NGEF: variants seen among roughly 807,000 people sequenced by gnomAD.
NGEF encodes the protein neuronal guanine nucleotide exchange factor.
Under a neutral mutation model 80.9 loss-of-function variants are expected in NGEF, and 31 were observed. The ratio of observed to expected loss-of-function variants is 0.38; its 90% CI spans 0.29 to 0.52. NGEF has a LOEUF of 0.52. Ranked by LOEUF, NGEF falls within the 20% of genes least tolerant of loss-of-function variation. NGEF has a pLI of 0.84. For synonymous variants in NGEF, 371 were observed against 370.2 expected (o/e 1.00, Z -0.03); for missense variants, 709 against 926.2 (o/e 0.77, Z 3.04).
chr2:232,942,802 A>G (rs953762859), intron 3 of NGEF, among the ~76,000 whole-genome samples: 4 of 151,674 alleles, frequency 2.6e-5, no homozygotes, highest in African/African-American at 9.7e-5. Context: ...CAAAAAAAAA[A>G]AAAAAGAAAA....
intron 3 of NGEF, among the ~76,000 whole-genome samples, chr2:232,934,257 A>G (rs1000430933): frequency 2.0e-5 from 3 of 151,534 alleles, no homozygotes; most frequent in Admixed American, 6.6e-5. Context: ...AAAAAAAAAA[A>G]AAAAGAAAGA....
At chr2:232,925,336 G>A (rs1167256790) in intron 4 of NGEF, among the ~76,000 whole-genome samples, 2 of 152,220 alleles carry the variant, frequency 1.3e-5, no homozygotes, top group Non-Finnish European at 2.9e-5. Flanking sequence ...AGAAGAGGGC[G>A]GGGGCAGCCC....
Position 232,892,495 on chromosome 2 carries a change from G to C in NGEF, c.1142+403C>G, listed in dbSNP as rs928876119. ...GGCGCTGCTGGAGGAGCCCCACCGA[G>C]GCTCCTTCCCATCCTGTCCCTGCCC... is the stretch of plus-strand genomic sequence containing the variant. On this transcript the variant is annotated intron_variant, in intron 7 of 14. Coordinates refer to ENST00000264051, the MANE Select transcript of NGEF (RefSeq NM_019850.3). This position sits in a 1 kb window ranked among gnomAD's most constrained non-coding sequence, Gnocchi z 4.0. Among the ~76,000 whole-genome samples, 6 of 152,178 alleles carry C rather than the reference G, an allele frequency of 3.9e-5. No homozygotes were observed. The highest frequency in any genetic ancestry group is 1.2e-4 in the African/African-American group (5 of 41,442).
intron 5 of NGEF, among the ~76,000 whole-genome samples, chr2:232,907,871 G>T (rs1373860267): frequency 6.6e-6 from 1 of 152,154 alleles, no homozygotes; most frequent in Non-Finnish European, 1.5e-5. Context: ...CACTTTGGGA[G>T]GCCGAGGCAG....
rs1466939949 is a variant in NGEF, at chr2:232,892,931, T to G, written c.1109A>C (p.Gln370Pro). The G allele has an allele frequency of 6.2e-7, 1 of 1,613,612 alleles. No homozygotes were observed. Among genetic ancestry groups the G allele is most frequent in the South Asian group, 1.1e-5 (1 of 91,070 alleles). ...CTTATAGGTCCGCTCCTGGTAGGTC[T>G]GATTGCTGACGTAGGTGATGTAGAC... The part of the protein sequence containing the change: ...FSVYITYVSN[Q>P]TYQERTYKQL... The change falls in exon 7 of 15, where the codon CAG (glutamine) becomes CCG (proline). Residue 370 changes from glutamine to proline, a missense_variant. By Grantham distance (76) the Gln-to-Pro change is moderately conservative. Transcript: ENST00000264051. This position sits in a 1 kb window ranked among gnomAD's most constrained non-coding sequence, Gnocchi z 4.0.
chr2:233,009,092 C>T (rs1001524001), intron 1 of NGEF, among the ~76,000 whole-genome samples: 2 of 152,132 alleles, frequency 1.3e-5, no homozygotes, highest in African/African-American at 2.4e-5. Flanking sequence ...CCACCACACC[C>T]GGCCCATCTT....
rs76908502 is a variant in NGEF, at chr2:232,951,433, C to T, written c.383+18781G>A. On this transcript the variant is annotated intron_variant, in intron 3 of 14. Transcript: ENST00000264051. ...CACGACAACCTTCTCTCTGCAGACA[C>T]GTGAATTTGCAACCTGGGAAGACCT... Among the ~76,000 whole-genome samples the T allele has an allele frequency of 6.6e-5, 10 of 152,324 alleles. No homozygotes were observed. In the South Asian group the frequency reaches 1.0e-3, roughly 16 times the overall value.
intron 1 of NGEF, among the ~76,000 whole-genome samples, chr2:232,988,942 G>A (rs1206112116): frequency 3.9e-5 from 6 of 152,168 alleles, no homozygotes; most frequent in Non-Finnish European, 5.9e-5. Context: ...AGCATAAAGA[G>A]AGAAATGTAT....
At chr2:232,932,754 C>G in intron 3 of NGEF, among the ~76,000 whole-genome samples, 1 of 152,014 alleles carries the variant, frequency 6.6e-6, no homozygotes, top group East Asian at 1.9e-4. Flanking sequence ...ACGGCTGACT[C>G]CTTGTATCCT....
In NGEF at chr2:232,927,057, G is replaced by A; in HGVS notation, c.513C>T (p.Leu171=). 6.2e-7 allele frequency: 1 copy of A among 1,614,042 alleles called. No homozygotes were observed. Among genetic ancestry groups the A allele is most frequent in the Non-Finnish European group, 8.5e-7 (1 of 1,180,006 alleles). Residue 171 remains leucine, a synonymous_variant, in exon 4 of 15, where the codon CTC becomes CTT. Transcript: ENST00000264051. ...GGAGACACCCACCTATTTGTTCAAT[G>A]AGGTTTCTCCAGGAGTCGGCGGGAA... The part of the protein sequence containing the change: ...HPIPADSWRN[L]IEQIGLLYQE...
At position 232,890,831 on chromosome 2, in the gene NGEF, A is replaced by G; in HGVS notation, c.1272+527T>C. ...AGGTGACTCCCATCACACTGAGGAC[A>G]GGACCCAATGTCTTCCCTGGAACTG... On this transcript the variant is annotated intron_variant, in intron 8 of 14. Coordinates refer to ENST00000264051, the MANE Select transcript of NGEF (RefSeq NM_019850.3). 8.7e-6 allele frequency: 4 copies of G among 457,834 alleles called. No homozygotes were observed. In the Admixed American group the frequency reaches 9.5e-5, roughly 11 times the overall value. The allele number at this position is 457,834 out of a possible 1,614,324, so 28.4% of individuals were successfully genotyped here.
At chr2:232,928,891 A>AGAAAGAGCAGAAAGGACAGTC (rs1195108921) in intron 3 of NGEF, among the ~76,000 whole-genome samples, 6 of 152,348 alleles carry the variant, frequency 3.9e-5, no homozygotes, top group African/African-American at 1.4e-4. Context: ...CTCGCGGATC[A>AGAAAGAGCAGAAAGGACAGTC]GAAAGAGCAG....
intron 1 of NGEF, among the ~76,000 whole-genome samples, chr2:232,977,352 C>T (rs1694316443): frequency 1.3e-5 from 2 of 152,138 alleles, no homozygotes; most frequent in Non-Finnish European, 2.9e-5. Flanking sequence ...CAATGATGGC[C>T]TTGAGCTCAG....
chr2:232,883,163 G>T, intron 12 of NGEF, 148 bp downstream of exon 12: 2 of 963,540 alleles, frequency 2.1e-6, no homozygotes, highest in South Asian at 1.9e-5. Context: ...AAGTATTGGC[G>T]CAGGGTCTGG....
chr2:232,879,443 C>A lies in NGEF; in HGVS notation c.*46G>T. On this transcript the variant is annotated 3_prime_UTR_variant, in exon 15 of 15. Transcript: ENST00000264051. ...GAGCCCCCCCCCCCCCACCTTCTGTCGGGGTCTCATGCAGGCCCTGCTCCC... is the reference window on the plus strand; with the variant it reads ...GAGCCCCCCCCCCCCCACCTTCTGTAGGGGTCTCATGCAGGCCCTGCTCCC... 9.0e-7 allele frequency: 1 copy of A among 1,112,798 alleles called. No homozygotes were observed. Among genetic ancestry groups the A allele is most frequent in the Non-Finnish European group, 1.3e-6 (1 of 768,444 alleles). 68.9% of individuals were successfully genotyped at this position (1,112,798 alleles called of 1,614,324 possible).
Position 232,879,427 on chromosome 2 carries a change from C to CCA in NGEF, c.*61_*62insTG. The CCA allele has an allele frequency of 1.4e-6, 2 of 1,439,156 alleles. No individual in the cohort carries two copies. The highest frequency in any genetic ancestry group is 1.4e-5 in the South Asian group (1 of 73,736). 89.1% of individuals were successfully genotyped at this position (1,439,156 alleles called of 1,614,324 possible). A position where few individuals can be genotyped will look rare whatever the true frequency, so the allele number is the denominator to read the frequency against. Reference sequence around the variant, plus strand: ...TGGCCTGTGCTTCCCAGAGCCCCCCCCCCCCCACCTTCTGTCGGGGTCTCA... The same window carrying CCA: ...TGGCCTGTGCTTCCCAGAGCCCCCCCCACCCCCCACCTTCTGTCGGGGTCTCA... On this transcript the variant is annotated 3_prime_UTR_variant, in exon 15 of 15. Transcript: ENST00000264051.
intron 3 of NGEF, among the ~76,000 whole-genome samples, chr2:232,938,378 AG>A (rs2106294506): frequency 6.6e-6 from 1 of 152,294 alleles, no homozygotes; most frequent in East Asian, 1.9e-4. Flanking sequence ...TGCCTAAAAC[AG>A]GCTGCCCCAG....
intron 1 of NGEF, among the ~76,000 whole-genome samples, chr2:232,998,625 G>T (rs1216053973): frequency 6.6e-6 from 1 of 152,152 alleles, no homozygotes; most frequent in East Asian, 1.9e-4. Flanking sequence ...TACACAGGGG[G>T]CCCTGGGCAG....
intron 5 of NGEF, among the ~76,000 whole-genome samples, chr2:232,907,188 G>GAA (rs10654316): frequency 0.51 from 57,015 of 112,802 alleles, 14,310 homozygotes; most frequent in Admixed American, 0.56. Flanking sequence ...AGAAAAAAAA[G>GAA]AAAAAAAAAA....
Sources: gnomAD v4.1 joint callset for allele counts (sites outside exome capture counted in the v4.1 genomes callset) on GRCh38, gnomAD v4.1.1 for gene constraint, Gnocchi (gnomAD v3.1) non-coding constraint, MANE v1.5 for transcripts, NCBI Gene and HGNC (gene_info 2026-07-23, HGNC 2026-07-21) for gene names.